The following UACA variants were observed in gnomAD, a reference collection of about 807,000 sequenced individuals.
UACA encodes the protein nuclear membrane binding protein.
Under a neutral mutation model 160.5 loss-of-function variants are expected in UACA, and 112 were observed. The observed-to-expected ratio is 0.70, with a 90% CI of 0.60 to 0.82. The LOEUF is 0.82. UACA is among the 40% of genes least tolerant of loss of function. The pLI is 0.00. For synonymous variants in UACA, 557 were observed against 568.4 expected (o/e 0.98, Z 0.29); for missense variants, 1,574 against 1,614.6 (o/e 0.97, Z 0.43).
At chr15:70,766,162 C>A (rs1243592579), upstream of UACA, among the ~76,000 whole-genome samples, 2 of 152,162 alleles carry the variant, frequency 1.3e-5, no homozygotes, top group Non-Finnish European at 2.9e-5. Flanking sequence ...AGCCTAGAAA[C>A]TTGATAGCTG....
At position 70,660,198 on chromosome 15, in the gene UACA, G is replaced by T. The variant is rs779043438; in HGVS notation, c.4132C>A (p.Gln1378Lys). Reference sequence around the variant, plus strand: ...GTCCGATAAATTGCAATTACTTCTTGGTGCTGTCTGTCAGCATCCTAGAAA... The same window carrying T: ...GTCCGATAAATTGCAATTACTTCTTTGTGCTGTCTGTCAGCATCCTAGAAA... The part of the protein sequence containing the change: ...QQLADADRQH[Q>K]EVIAIYRTHL... Residue 1378 changes from glutamine to lysine, a missense_variant, in exon 18 of 19, where the codon CAA (glutamine) becomes AAA (lysine). By Grantham distance (53) the Gln-to-Lys change is moderately conservative. Coordinates refer to ENST00000322954, the MANE Select transcript of UACA (RefSeq NM_018003.4). 1.9e-6 allele frequency: 3 copies of T among 1,613,298 alleles called. No homozygotes were observed. The highest frequency in any genetic ancestry group is 2.7e-5 in the African/African-American group (2 of 74,870).
intron 18 of UACA, among the ~76,000 whole-genome samples, chr15:70,658,766 T>C (rs1218704890): frequency 1.3e-5 from 2 of 152,170 alleles, no homozygotes; most frequent in African/African-American, 4.8e-5. Flanking sequence ...CACTTCCTAT[T>C]AATATGAAAA....
intron 1 of UACA, 72 bp downstream of exon 1, chr15:70,763,258 G>T (rs2141022189): frequency 1.6e-6 from 2 of 1,281,802 alleles, no homozygotes; most frequent in South Asian, 2.4e-5. Context: ...GGCGGCGCGC[G>T]AACTCGCCAG....
At chr15:70,767,100 C>T (rs1390165683), upstream of UACA, among the ~76,000 whole-genome samples, 3 of 151,582 alleles carry the variant, frequency 2.0e-5, no homozygotes, top group Admixed American at 2.0e-4. Context: ...ATTAGCCAGG[C>T]GTGGTGGCAG....
chr15:70,671,679 A>T (rs555146597), intron 14 of UACA: 1 of 233,500 alleles, frequency 4.3e-6, no homozygotes, highest in Non-Finnish European at 8.2e-6. Context: ...AAATATCACA[A>T]GACAAATGTC....
At chr15:70,753,644 T>A (rs1448547330) in intron 1 of UACA, among the ~76,000 whole-genome samples, 4 of 152,222 alleles carry the variant, frequency 2.6e-5, no homozygotes, top group African/African-American at 4.8e-5. Flanking sequence ...ATTGAGTTAC[T>A]AGCACTTAGA....
At chr15:70,684,138 T>C (rs1897618289) in intron 8 of UACA, 127 bp downstream of exon 8, 3 of 762,434 alleles carry the variant, frequency 3.9e-6, no homozygotes, top group Admixed American at 6.3e-5. Context: ...TAGAGGGAGA[T>C]GAACCAATAC....
chr15:70,773,702 T>C, the UACA span, among the ~76,000 whole-genome samples: 4 of 152,196 alleles, frequency 2.6e-5, no homozygotes, highest in Admixed American at 2.0e-4. Flanking sequence ...TCATGAATCA[T>C]GATCATGACT....
intron 13 of UACA, among the ~76,000 whole-genome samples, chr15:70,674,653 C>T (rs191097082): frequency 3.3e-5 from 5 of 152,186 alleles, no homozygotes; most frequent in Admixed American, 3.3e-4. Flanking sequence ...GGCTGGAGTG[C>T]AGTGGCGTGA....
intron 17 of UACA, among the ~76,000 whole-genome samples, chr15:70,663,191 G>C (rs188248363): frequency 6.6e-6 from 1 of 152,122 alleles, no homozygotes; most frequent in Non-Finnish European, 1.5e-5. Flanking sequence ...ATCAACAAGT[G>C]GGCGAAGGAT....
chr15:70,758,871 A>T (rs1474199909), intron 1 of UACA: 1 of 152,162 alleles, frequency 6.6e-6, no homozygotes, highest in Non-Finnish European at 1.5e-5. Context: ...TTCTACAATC[A>T]AAGTACTCTG....
chr15:70,660,154 T>G lies in UACA; in HGVS notation c.4176A>C (p.Ala1392=). Residue 1392 remains alanine (A), a synonymous_variant, in exon 18 of 19, where the codon GCA becomes GCC. Transcript: ENST00000322954. ...AIYRTHLLSA[A]QGHMDEDVQE... ...CAAAGGAGAAGTAGTTCTTTACCTG[T>G]GCAGCACTAAGAAGGTGTGTCCGAT... The G allele has an allele frequency of 6.2e-7, 1 of 1,612,776 alleles. No individual in the cohort carries two copies. Among genetic ancestry groups the G allele is most frequent in the Non-Finnish European group, 8.5e-7 (1 of 1,179,026 alleles).
At chr15:70,723,577 A>G (rs894963442) in intron 1 of UACA, among the ~76,000 whole-genome samples, 4 of 149,640 alleles carry the variant, frequency 2.7e-5, no homozygotes, top group African/African-American at 9.9e-5. Flanking sequence ...GTACAGTGCT[A>G]CTCCCTTTGT....
At position 70,657,029 on chromosome 15, in the gene UACA, A is replaced by G. The variant is rs763090198; in HGVS notation, c.*27T>C. On this transcript the variant is annotated 3_prime_UTR_variant, in exon 19 of 19. Coordinates refer to ENST00000322954, the MANE Select transcript of UACA (RefSeq NM_018003.4). The stretch of plus-strand genomic sequence containing the variant: ...GAATGTTCAGCACCAGCAAGATAAA[A>G]CAGATACTGGCAGTCAGTGCTAACG... 112 of 1,605,400 alleles carry G rather than the reference A, an allele frequency of 7.0e-5. 1 individual carries two copies. In the South Asian group the frequency reaches 1.2e-3, roughly 17 times the overall value.
chr15:70,756,399 G>T (rs1314389655), intron 1 of UACA, among the ~76,000 whole-genome samples: 5 of 151,154 alleles, frequency 3.3e-5, no homozygotes. Flanking sequence ...GACCTCAAGC[G>T]ATCTGCCCAC....
intron 1 of UACA, among the ~76,000 whole-genome samples, chr15:70,728,563 C>CAA (rs1213851064): frequency 0.035 from 3,027 of 87,632 alleles, 147 homozygotes; most frequent in African/African-American, 0.11. Context: ...AACCCCATCT[C>CAA]AAAAAAAAAA....
Position 70,676,489 on chromosome 15 carries a change from A to T in UACA, c.1131+4T>A. 6.3e-7 allele frequency: 1 copy of T among 1,588,728 alleles called. No individual in the cohort carries two copies. The highest frequency in any genetic ancestry group is 8.6e-7 in the Non-Finnish European group (1 of 1,159,602). ...TTACAGGAAATAATTTATCCTTTCT[A>T]TACCTCAAAATATTTAAATCTATTT... On this transcript the variant is annotated splice_donor_region_variant and intron_variant, in intron 13 of 18. Transcript: ENST00000322954.
intron 1 of UACA, among the ~76,000 whole-genome samples, chr15:70,759,136 C>G (rs189814092): frequency 6.6e-6 from 1 of 152,268 alleles, no homozygotes; most frequent in Non-Finnish European, 1.5e-5. Context: ...GTGGAATCCC[C>G]TTCTAAAATG....
intron 1 of UACA, among the ~76,000 whole-genome samples, chr15:70,750,949 C>G (rs573894327): frequency 1.3e-5 from 2 of 152,142 alleles, no homozygotes; most frequent in Non-Finnish European, 2.9e-5. Flanking sequence ...TTTGGAAGTA[C>G]GTAGAGATGG....
Sources: allele counts gnomAD v4.1 joint callset (sites outside exome capture counted in the v4.1 genomes callset), GRCh38; gene constraint gnomAD v4.1.1; transcripts MANE v1.5; gene names NCBI Gene and HGNC (gene_info 2026-07-23, HGNC 2026-07-21).